IRAG1: variants seen among roughly 807,000 people sequenced by gnomAD.
IRAG1 encodes the protein inositol 1,4,5-triphosphate receptor associated 1.
In IRAG1, 62 loss-of-function variants were observed where a neutral mutation model predicts 106.2. The observed-to-expected ratio is 0.58, with a 90% CI of 0.48 to 0.72. The LOEUF (loss-of-function observed/expected upper bound fraction) is 0.72, where lower values mean the gene tolerates loss of function less well. Among genes scored for constraint, IRAG1 ranks in the 30% least tolerant of loss-of-function variants. The pLI is 0.00. For synonymous variants in IRAG1, 462 were observed against 443.9 expected (o/e 1.04, Z -0.51); for missense variants, 1,064 against 1,140.7 (o/e 0.93, Z 0.97).
chr11:10,670,446 C>T (rs1483596622), intron 1 of IRAG1, among the ~76,000 whole-genome samples: 1 of 152,176 alleles, frequency 6.6e-6, no homozygotes, highest in African/African-American at 2.4e-5. Flanking sequence ...TGAAAATAGG[C>T]AGTGCTTTCT....
Position 10,628,103 on chromosome 11 carries a change from C to CTTTG in IRAG1, c.653-79_653-78insCAAA. 1 of 1,482,252 alleles carries CTTTG rather than the reference C, an allele frequency of 6.7e-7. No individual in the cohort carries two copies. The highest frequency in any genetic ancestry group is 1.2e-5 in the South Asian group (1 of 85,320). 91.8% of individuals were successfully genotyped at this position (1,482,252 alleles called of 1,614,324 possible). On this transcript the variant is annotated intron_variant, in intron 6 of 20. Coordinates refer to ENST00000423302, the MANE Select transcript of IRAG1 (RefSeq NM_130385.4). This position sits in a 1 kb window ranked among gnomAD's most constrained non-coding sequence, Gnocchi z 4.1. ...TGTGCTTTCAGCCACATCTCCCTCCCCGGGCTATCCTCCCTTTGCAATCTC... is the reference window on the plus strand; with the variant it reads ...TGTGCTTTCAGCCACATCTCCCTCCCTTTGCGGGCTATCCTCCCTTTGCAATCTC...
chr11:10,639,719 C>T (rs953213484), intron 2 of IRAG1, among the ~76,000 whole-genome samples: 3 of 152,066 alleles, frequency 2.0e-5, no homozygotes, highest in Non-Finnish European at 2.9e-5. Context: ...GCCTTTACTC[C>T]CCCAGCTCCA....
At chr11:10,621,834 T>C (rs975421150) in intron 10 of IRAG1, among the ~76,000 whole-genome samples, 4 of 152,176 alleles carry the variant, frequency 2.6e-5, no homozygotes, top group African/African-American at 7.2e-5. Context: ...GTTTTACTAA[T>C]TGAAATGAGC....
chr11:10,589,556 C>T (rs961465486), intron 18 of IRAG1, among the ~76,000 whole-genome samples: 9 of 152,194 alleles, frequency 5.9e-5, no homozygotes, highest in Non-Finnish European at 8.8e-5. Context: ...TGTGAGCCAC[C>T]GTGCCTGGCC....
chr11:10,608,686 TG>T (rs1249055069), intron 11 of IRAG1, among the ~76,000 whole-genome samples: 1 of 152,184 alleles, frequency 6.6e-6, no homozygotes, highest in African/African-American at 2.4e-5. Flanking sequence ...TTTGAAAAAT[TG>T]GTTATTTATC....
chr11:10,613,669 AAAG>A (rs2134430488), intron 10 of IRAG1, among the ~76,000 whole-genome samples: 1 of 152,382 alleles, frequency 6.6e-6, no homozygotes, highest in South Asian at 2.1e-4. Context: ...AATGATGTAC[AAAG>A]AAGAATTCAA....
chr11:10,601,160 G>C (rs777291119), intron 14 of IRAG1, 101 bp from the exon 15 acceptor site: 127 of 1,491,398 alleles, frequency 8.5e-5, no homozygotes, highest in Non-Finnish European at 1.1e-4. Flanking sequence ...GAATCAAAAG[G>C]ATACAGGGAC....
intron 1 of IRAG1, among the ~76,000 whole-genome samples, chr11:10,684,012 A>G (rs940721175): frequency 1.3e-5 from 2 of 152,234 alleles, no homozygotes; most frequent in African/African-American, 4.8e-5. Flanking sequence ...GATTTATAAT[A>G]AAGAAATATA....
At chr11:10,680,857 G>A (rs1373726943) in intron 1 of IRAG1, among the ~76,000 whole-genome samples, 1 of 152,200 alleles carries the variant, frequency 6.6e-6, no homozygotes, top group East Asian at 1.9e-4. Context: ...CTTGGGGCCG[G>A]GCGGGTTAGA....
chr11:10,607,620 T>A (rs1432732820), intron 11 of IRAG1, among the ~76,000 whole-genome samples: 2 of 151,726 alleles, frequency 1.3e-5, no homozygotes, highest in African/African-American at 4.8e-5. Flanking sequence ...CGGGGAGGCC[T>A]GGGAGGGGTC....
intron 18 of IRAG1, among the ~76,000 whole-genome samples, chr11:10,583,876 T>G (rs1005332324): frequency 3.9e-5 from 6 of 152,050 alleles, no homozygotes; most frequent in African/African-American, 1.2e-4. Flanking sequence ...TTAGGTATTC[T>G]CTATAAAGTG....
intron 15 of IRAG1, among the ~76,000 whole-genome samples, chr11:10,598,551 C>G (rs1853584596): frequency 6.6e-6 from 1 of 151,952 alleles, no homozygotes; most frequent in Non-Finnish European, 1.5e-5. Context: ...TTGGAAAGGC[C>G]AAGAAATACA....
At chr11:10,682,633 A>G (rs1432257168) in intron 1 of IRAG1, among the ~76,000 whole-genome samples, 1 of 152,230 alleles carries the variant, frequency 6.6e-6, no homozygotes, top group African/African-American at 2.4e-5. Context: ...TAAACAATGG[A>G]CATGGTTAGT....
chr11:10,636,642 G>GTCA lies in IRAG1; in HGVS notation c.226-2574_226-2572dup, dbSNP rs571573311. On this transcript the variant is annotated intron_variant, in intron 2 of 20. Coordinates refer to ENST00000423302, the MANE Select transcript of IRAG1 (RefSeq NM_130385.4). ...AAGAGAAGACCCTAAAGGGCTCGCA[G>GTCA]TCAAGCAAGGGATACAGGGAAGTAA... Among the ~76,000 whole-genome samples, 605 of 152,304 alleles carry GTCA rather than the reference G, an allele frequency of 4.0e-3. 5 individuals are homozygous for GTCA. The highest frequency in any genetic ancestry group is 0.014 in the African/African-American group (578 of 41,548).
Position 10,657,987 on chromosome 11 carries a change from G to A in IRAG1, c.68-5805C>T, listed in dbSNP as rs1247549457. Among the ~76,000 whole-genome samples the A allele has an allele frequency of 2.0e-5, 3 of 152,210 alleles. No individual in the cohort carries two copies. The highest frequency in any genetic ancestry group is 7.2e-5 in the African/African-American group (3 of 41,452). On this transcript the variant is annotated intron_variant, in intron 1 of 20. Transcript: ENST00000423302. The surrounding 1 kb of genome is among the most constrained non-coding windows in gnomAD (Gnocchi z 4.1). ...CAGCTTTCTGACTTTTCATTTTGAC[G>A]GTTTTGCTCATAGTAAAGGGTAAGC...
chr11:10,666,692 C>T (rs1275074073), intron 1 of IRAG1, among the ~76,000 whole-genome samples: 2 of 152,204 alleles, frequency 1.3e-5, no homozygotes, highest in Non-Finnish European at 2.9e-5. Context: ...GAGTCATTCT[C>T]GTGAAGTATT....
In IRAG1 at chr11:10,685,066, T is replaced by A. The variant is rs544601405; in HGVS notation, c.67+8470A>T. Among the ~76,000 whole-genome samples, 37 of 152,326 alleles carry A rather than the reference T, an allele frequency of 2.4e-4. 1 individual carries two copies. In the South Asian group the frequency reaches 7.5e-3, roughly 31 times the overall value. On this transcript the variant is annotated intron_variant, in intron 1 of 20. Coordinates refer to ENST00000423302, the MANE Select transcript of IRAG1 (RefSeq NM_130385.4). ...ACCCACCCCTCAGAACTTTCTGCCT[T>A]CTTACCTAAATCTCTATCTATCAAG...
chr11:10,604,878 C>G (rs530474559), intron 12 of IRAG1, among the ~76,000 whole-genome samples: 4 of 152,300 alleles, frequency 2.6e-5, no homozygotes, highest in Non-Finnish European at 5.9e-5. Context: ...GCCAGTACAG[C>G]TAATTGTGTA....
At chr11:10,637,553 T>TAAAAA (rs1857231118) in intron 2 of IRAG1, among the ~76,000 whole-genome samples, 1 of 152,182 alleles carries the variant, frequency 6.6e-6, no homozygotes, top group Non-Finnish European at 1.5e-5. Context: ...AGGAAGATTA[T>TAAAAA]GCAAGTAAAA....
Sources: allele counts gnomAD v4.1 joint callset (sites outside exome capture counted in the v4.1 genomes callset), GRCh38; gene constraint gnomAD v4.1.1; non-coding constraint Gnocchi (gnomAD v3.1); transcripts MANE v1.5; gene names NCBI Gene and HGNC (gene_info 2026-07-23, HGNC 2026-07-21).